CYYR1: variants seen among roughly 807,000 people sequenced by gnomAD.
The protein encoded by CYYR1 is cysteine and tyrosine-rich protein 1.
CYYR1 carries 14 observed loss-of-function variants against 15.2 expected under a neutral mutation model. The ratio of observed to expected loss-of-function variants is 0.92; its 90% CI spans 0.61 to 1.44. The LOEUF (loss-of-function observed/expected upper bound fraction) is 1.44. Ranked by LOEUF, CYYR1 falls within the 40% of genes most tolerant of loss-of-function variation. CYYR1 has a pLI of 0.00. For missense variants in CYYR1, 228 were observed against 209.5 expected (o/e 1.09, Z -0.54); for synonymous variants, 80 against 77.4 (o/e 1.03, Z -0.18).
At chr21:26,531,457 C>T (rs1317311895) in intron 2 of CYYR1, among the ~76,000 whole-genome samples, 2 of 152,080 alleles carry the variant, frequency 1.3e-5, no homozygotes, top group African/African-American at 4.8e-5. Context: ...GGATTGAATC[C>T]CTGGACTTCC....
Position 26,564,234 on chromosome 21 carries a change from A to G in CYYR1, c.176+2032T>C, listed in dbSNP as rs999782748. Among the ~76,000 whole-genome samples the G allele has an allele frequency of 4.6e-5, 7 of 152,266 alleles. No homozygotes were observed. The East Asian group carries it at 1.2e-3, about 25-fold the overall frequency. On this transcript the variant is annotated intron_variant, in intron 2 of 3. Transcript: ENST00000652641. ...TAAGAATTCTTTTCAAATGTTAAAC[A>G]ATAACTGGAAATCCTGAAAATGTAT... is the stretch of plus-strand genomic sequence containing the variant.
chr21:26,487,673 TC>T (rs1367318748), intron 2 of CYYR1, among the ~76,000 whole-genome samples: 1 of 152,132 alleles, frequency 6.6e-6, no homozygotes, highest in East Asian at 1.9e-4. Flanking sequence ...CAATGGAGTA[TC>T]ATTTTCAATA....
rs1201305652 is a variant in CYYR1, at chr21:26,477,314, G to C, written c.334+2958C>G. On this transcript the variant is annotated intron_variant, in intron 3 of 3. Transcript: ENST00000652641. ...ACCTTCAAGTAAAATCTTAATTAGC[G>C]CCTTTGAGAAGGAAATGAGAAGTAA... Among the ~76,000 whole-genome samples the C allele has an allele frequency of 5.9e-5, 9 of 152,228 alleles. No homozygotes were observed. In the East Asian group the frequency reaches 1.7e-3, roughly 29 times the overall value.
chr21:26,503,881 GA>G (rs1351897413), intron 2 of CYYR1, among the ~76,000 whole-genome samples: 5 of 152,184 alleles, frequency 3.3e-5, no homozygotes, highest in African/African-American at 1.2e-4. Flanking sequence ...CTTCATGGAA[GA>G]CGCTGTCGAG....
chr21:26,529,006 G>A (rs1024204056), intron 2 of CYYR1, among the ~76,000 whole-genome samples: 1 of 152,174 alleles, frequency 6.6e-6, no homozygotes, highest in Non-Finnish European at 1.5e-5. Context: ...AGCAAACAAA[G>A]GGCCACAGGT....
At chr21:26,482,722 A>C (rs993667685) in intron 2 of CYYR1, among the ~76,000 whole-genome samples, 1 of 152,132 alleles carries the variant, frequency 6.6e-6, no homozygotes, top group African/African-American at 2.4e-5. Flanking sequence ...TCTTAGAAAT[A>C]TGAGGGCATT....
chr21:26,507,580 C>G (rs2123500723), intron 2 of CYYR1, among the ~76,000 whole-genome samples: 1 of 152,194 alleles, frequency 6.6e-6, no homozygotes, highest in South Asian at 2.1e-4. Flanking sequence ...CATTAAGAAG[C>G]AAGGCAATTA....
chr21:26,469,447 C>T (rs2065007551), intron 3 of CYYR1, among the ~76,000 whole-genome samples: 1 of 151,858 alleles, frequency 6.6e-6, no homozygotes, highest in African/African-American at 2.4e-5. Context: ...GTTACTGTAC[C>T]ATATGTCAGT....
At chr21:26,549,957 T>C (rs1601820710) in intron 2 of CYYR1, among the ~76,000 whole-genome samples, 1 of 152,224 alleles carries the variant, frequency 6.6e-6, no homozygotes, top group East Asian at 1.9e-4. Context: ...TTGTATTTTC[T>C]TTATTGAGTC....
At chr21:26,519,654 G>T (rs1601784628) in intron 2 of CYYR1, among the ~76,000 whole-genome samples, 1 of 152,164 alleles carries the variant, frequency 6.6e-6, no homozygotes, top group African/African-American at 2.4e-5. Flanking sequence ...TCAGGTTTTT[G>T]AAAGAAATAA....
chr21:26,564,181 TA>T (rs749254559), intron 2 of CYYR1, among the ~76,000 whole-genome samples: 193 of 141,904 alleles, frequency 1.4e-3, no homozygotes, highest in African/African-American at 1.9e-3. Flanking sequence ...GACCACCCAT[TA>T]AAAAAAAAAA....
chr21:26,571,541 A>G (rs571338197), intron 1 of CYYR1, among the ~76,000 whole-genome samples: 34 of 152,054 alleles, frequency 2.2e-4, no homozygotes, highest in Non-Finnish European at 4.0e-4. Flanking sequence ...AACAAACAAA[A>G]TTGTGGTTCA....
intron 2 of CYYR1, among the ~76,000 whole-genome samples, chr21:26,548,528 A>G (rs560250200): frequency 1.3e-5 from 2 of 152,232 alleles, no homozygotes; most frequent in East Asian, 3.9e-4. Flanking sequence ...CTCATTTTTT[A>G]TAGAGATGAA....
chr21:26,566,281 A>G lies in CYYR1; in HGVS notation c.161T>C (p.Ile54Thr). 1.2e-6 allele frequency: 2 copies of G among 1,613,450 alleles called. No individual in the cohort carries two copies. Among genetic ancestry groups the G allele is most frequent in the Non-Finnish European group, 1.7e-6 (2 of 1,179,476 alleles). ...TPYCCSYYAY[I>T]GNILSGTAIA... ...GAATACTCACGAGAGGATATTCCCAATATAAGCGTAGTAGGAGCAACAGTA... is the reference window on the plus strand; with the variant it reads ...GAATACTCACGAGAGGATATTCCCAGTATAAGCGTAGTAGGAGCAACAGTA... Residue 54 changes from isoleucine to threonine, a missense_variant, in exon 2 of 4, where the codon ATT (isoleucine) becomes ACT (threonine). Coordinates refer to ENST00000652641, the MANE Select transcript of CYYR1 (RefSeq NM_001320768.2).
At chr21:26,512,309 C>T (rs1404968244) in intron 2 of CYYR1, among the ~76,000 whole-genome samples, 1 of 152,134 alleles carries the variant, frequency 6.6e-6, no homozygotes, top group East Asian at 1.9e-4. Flanking sequence ...AGCGATTCTC[C>T]TGCCTCGGCC....
chr21:26,573,117 G>A lies in CYYR1; in HGVS notation c.-177C>T, dbSNP rs1981125679. 6.6e-7 allele frequency: 1 copy of A among 1,510,402 alleles called. No individual in the cohort carries two copies. The highest frequency in any genetic ancestry group is 8.8e-7 in the Non-Finnish European group (1 of 1,134,494). 93.6% of individuals were successfully genotyped at this position (1,510,402 alleles called of 1,614,324 possible). A position where few individuals can be genotyped will look rare whatever the true frequency, so the allele number is the denominator to read the frequency against. ...CCCGGGCCGGGCGCGTCCCGGGCCA[G>A]CGACTGCGGGACTCCGCGGAGCTGG... On this transcript the variant is annotated 5_prime_UTR_variant, in exon 1 of 4. Transcript: ENST00000652641.
chr21:26,569,985 A>T (rs73180830), intron 1 of CYYR1, among the ~76,000 whole-genome samples: 396 of 152,312 alleles, frequency 2.6e-3, no homozygotes, highest in Non-Finnish European at 4.7e-3. Flanking sequence ...AAACTACCCA[A>T]AAGGGGAGAT....
At chr21:26,482,379 C>T in intron 2 of CYYR1, 1 of 985,248 alleles carries the variant, frequency 1.0e-6, no homozygotes, top group Non-Finnish European at 1.2e-6. Context: ...CTTTTTCATA[C>T]TCAAACATAG....
At chr21:26,510,824 A>G (rs1053988769) in intron 2 of CYYR1, among the ~76,000 whole-genome samples, 5 of 152,196 alleles carry the variant, frequency 3.3e-5, no homozygotes, top group Non-Finnish European at 7.3e-5. Context: ...TAGCATTAAT[A>G]ATGATATCCT....
Sources: gnomAD v4.1 joint callset for allele counts (sites outside exome capture counted in the v4.1 genomes callset) on GRCh38, gnomAD v4.1.1 for gene constraint, MANE v1.5 for transcripts, NCBI Gene and HGNC (gene_info 2026-07-23, HGNC 2026-07-21) for gene names.